Variants in DESI1 observed in about 807,000 individuals in gnomAD.
DESI1 encodes the protein PPPDE peptidase domain containing 2.
In DESI1, 17 loss-of-function variants were observed where a neutral mutation model predicts 22.4. The ratio of observed to expected loss-of-function variants is 0.76; its 90% CI spans 0.52 to 1.14. The LOEUF (loss-of-function observed/expected upper bound fraction) is 1.14. Ranked by LOEUF, DESI1 falls within the 50% of genes most tolerant of loss-of-function variation. The pLI is 0.00. For missense variants in DESI1, 177 were observed against 208.9 expected, an observed-to-expected ratio of 0.85 and a Z score of 0.94; for synonymous variants, 92 against 84.2, an observed-to-expected ratio of 1.09 and a Z score of -0.51.
At chr22:41,613,658 G>C (rs1287980836) in intron 1 of DESI1, among the ~76,000 whole-genome samples, 1 of 152,152 alleles carries the variant, frequency 6.6e-6, no homozygotes, top group Non-Finnish European at 1.5e-5. Context: ...CCCCAATCTG[G>C]GCTGCCTGGC....
intron 5 of DESI1, among the ~76,000 whole-genome samples, chr22:41,601,836 C>T (rs1178095211): frequency 2.6e-5 from 4 of 152,198 alleles, no homozygotes; most frequent in Non-Finnish European, 4.4e-5. Context: ...GCCTCAGCCT[C>T]CCAAGTAGCT....
chr22:41,603,284 CTG>C lies in DESI1; in HGVS notation c.386_387del (p.Thr129ArgfsTer5). 1 of 1,614,190 alleles carries C rather than the reference CTG, an allele frequency of 6.2e-7. No homozygotes were observed. Among genetic ancestry groups the C allele is most frequent in the Non-Finnish European group, 8.5e-7 (1 of 1,180,050 alleles). On this transcript the variant is annotated frameshift_variant, in exon 5 of 6. Coordinates refer to ENST00000263256, the MANE Select transcript of DESI1 (RefSeq NM_015704.3). LOFTEE classifies it high-confidence loss of function. ...GTGGAGAGAACTTCAGAGGGCAGGT[CTG>C]TGATGTAAGAAGGAATCTTCCGCCC... ...LTGRKIPSYITDLPSEVLSTP... is the reference protein window; with the variant it reads ...LTGRKIPSYIXDLPSEVLSTP...
chr22:41,608,078 A>G (rs1861886614), intron 1 of DESI1, among the ~76,000 whole-genome samples: 2 of 152,230 alleles, frequency 1.3e-5, no homozygotes. Context: ...ATGCAAGATT[A>G]AAAACACTAG....
At chr22:41,606,437 T>C (rs1239515286) in intron 3 of DESI1, among the ~76,000 whole-genome samples, 2 of 151,960 alleles carry the variant, frequency 1.3e-5, no homozygotes, top group African/African-American at 4.8e-5. Flanking sequence ...GCTTGGCCAT[T>C]GCTTGAGCAC....
chr22:41,612,469 C>T lies in DESI1; in HGVS notation c.89-4608G>A, dbSNP rs550106133. ...GCAGTGAGCTGCGATTGCACCACTG[C>T]ACTCCAGCCTGGGCGACAAGAACAA... On this transcript the variant is annotated intron_variant, in intron 1 of 5. Transcript: ENST00000263256. Among the ~76,000 whole-genome samples the T allele has an allele frequency of 4.7e-5, 7 of 147,456 alleles. No homozygotes were observed. The South Asian group carries it at 6.4e-4, about 13-fold the overall frequency.
At chr22:41,613,901 C>A (rs1365250001) in intron 1 of DESI1, among the ~76,000 whole-genome samples, 1 of 152,150 alleles carries the variant, frequency 6.6e-6, no homozygotes, top group Non-Finnish European at 1.5e-5. Context: ...CCTTTATATC[C>A]TTTGTATCAT....
chr22:41,610,624 G>T (rs12158854), intron 1 of DESI1, among the ~76,000 whole-genome samples: 7,500 of 152,062 alleles, frequency 0.049, 607 homozygotes, highest in African/African-American at 0.17. Context: ...TGGCCCGGAA[G>T]ACCACAAGTG....
At chr22:41,601,588 A>G (rs1027506309) in intron 5 of DESI1, among the ~76,000 whole-genome samples, 5 of 148,986 alleles carry the variant, frequency 3.4e-5, no homozygotes, top group Non-Finnish European at 6.0e-5. Flanking sequence ...GCAAAAGAAG[A>G]AGGATATGAA....
At chr22:41,620,535 T>C (rs1409245376) in intron 1 of DESI1, among the ~76,000 whole-genome samples, 1 of 152,116 alleles carries the variant, frequency 6.6e-6, no homozygotes, top group Non-Finnish European at 1.5e-5. Context: ...CTCCATCCCT[T>C]CCCCTTGAAT....
intron 1 of DESI1, among the ~76,000 whole-genome samples, chr22:41,609,391 T>C (rs934082227): frequency 2.0e-5 from 3 of 152,248 alleles, no homozygotes; most frequent in African/African-American, 7.2e-5. Context: ...TGTTAATGTA[T>C]AGAAAGCTTC....
chr22:41,612,886 GAGGCA>G (rs946969922), intron 1 of DESI1, among the ~76,000 whole-genome samples: 1 of 152,044 alleles, frequency 6.6e-6, no homozygotes, highest in African/African-American at 2.4e-5. Flanking sequence ...AGATTTAAAG[GAGGCA>G]AGGGAAAGAG....
intron 3 of DESI1, 89 bp downstream of exon 3, chr22:41,607,173 A>C: frequency 3.9e-6 from 5 of 1,273,982 alleles, no homozygotes; most frequent in Non-Finnish European, 5.3e-6. Flanking sequence ...GAACAATGCC[A>C]GAAGTCCATA....
intron 1 of DESI1, among the ~76,000 whole-genome samples, chr22:41,612,036 A>G (rs1376313663): frequency 6.6e-6 from 1 of 152,148 alleles, no homozygotes; most frequent in Non-Finnish European, 1.5e-5. Flanking sequence ...CGGTGAACTA[A>G]TGGTTTATTG....
intron 5 of DESI1, chr22:41,602,816 G>A (rs573465133): frequency 5.8e-6 from 6 of 1,035,886 alleles, no homozygotes; most frequent in East Asian, 8.5e-5. Flanking sequence ...GAACATAGTC[G>A]TTGAGGGAGT....
chr22:41,620,581 G>A (rs989361095), intron 1 of DESI1, among the ~76,000 whole-genome samples, 171 bp downstream of exon 1: 3 of 152,166 alleles, frequency 2.0e-5, no homozygotes, highest in African/African-American at 7.2e-5. Context: ...GGCTAAAGCG[G>A]GGCTCAGATG....
At chr22:41,610,509 T>G (rs917101439) in intron 1 of DESI1, among the ~76,000 whole-genome samples, 1 of 152,180 alleles carries the variant, frequency 6.6e-6, no homozygotes, top group Non-Finnish European at 1.5e-5. Flanking sequence ...CTGTTAGTGT[T>G]CCCAGGCTAA....
At position 41,601,051 on chromosome 22, in the gene DESI1, A is replaced by G; in HGVS notation, c.*46T>C. On this transcript the variant is annotated 3_prime_UTR_variant, in exon 6 of 6. Transcript: ENST00000263256. ...AAATCTGGTAGGGTTTGTTTTGTTT[A>G]AAAAGGAAAAGCCCTGGTGAGGCAG... 1.3e-6 allele frequency: 2 copies of G among 1,536,826 alleles called. No individual in the cohort carries two copies. The highest frequency in any genetic ancestry group is 4.6e-5 in the East Asian group (2 of 43,510).
rs528663931 is a variant in DESI1 at position 41,612,658 on chromosome 22, C to T, written c.89-4797G>A. 1.9e-3 allele frequency among the ~76,000 whole-genome samples: 289 copies of T among 149,730 alleles called. 1 individual carries two copies. The highest frequency in any genetic ancestry group is 3.5e-3 in the Middle Eastern group (1 of 286). ...CTACTCAGGGTGGAGTGCAGTAACG[C>T]GATCAAAGCTCACTGCAGCCTTGAC... On this transcript the variant is annotated intron_variant, in intron 1 of 5. Coordinates refer to ENST00000263256, the MANE Select transcript of DESI1 (RefSeq NM_015704.3).
intron 5 of DESI1, chr22:41,602,321 G>T: frequency 3.0e-6 from 3 of 985,416 alleles, no homozygotes; most frequent in Non-Finnish European, 3.6e-6. Flanking sequence ...ACTCCAGTTT[G>T]CTCAGGGCCC....
Sources: gnomAD v4.1 joint callset for allele counts (sites outside exome capture counted in the v4.1 genomes callset) on GRCh38, gnomAD v4.1.1 for gene constraint, MANE v1.5 for transcripts, NCBI Gene and HGNC (gene_info 2026-07-23, HGNC 2026-07-21) for gene names.